IL1RAPL2: variants seen among roughly 807,000 people sequenced by gnomAD.
The protein encoded by IL1RAPL2 is interleukin 1 receptor accessory protein like 2.
Under a neutral mutation model 44.1 loss-of-function variants are expected in IL1RAPL2, and 3 were observed. That is an observed-to-expected ratio of 0.07 (90% confidence interval 0.03 to 0.18). The LOEUF is 0.18. Ranked by LOEUF, IL1RAPL2 falls within the 10% of genes least tolerant of loss-of-function variation. The probability of loss-of-function intolerance (pLI) is 1.00; values close to 1 mark genes in which losing one functional copy is unlikely to be tolerated. For missense variants in IL1RAPL2, 391 were observed against 496.4 expected (o/e 0.79, Z 2.02); for synonymous variants, 181 against 178.8 (o/e 1.01, Z -0.10).
intron 2 of IL1RAPL2, among the ~76,000 whole-genome samples, chrX:105,067,091 G>A (rs1036405300): frequency 8.0e-5 from 9 of 111,865 alleles, no homozygotes; most frequent in Middle Eastern, 4.2e-3. Context: ...TGCAAGTTCC[G>A]CTGAGTAAGA....
chrX:105,463,615 C>T (rs2036109187), intron 5 of IL1RAPL2, among the ~76,000 whole-genome samples: 1 of 109,547 alleles, frequency 9.1e-6, no homozygotes, highest in Non-Finnish European at 1.9e-5. Context: ...CACGCATACA[C>T]TTGTGCCCAC....
At chrX:105,108,494 A>ATTTTTTTTTTTT (rs71816209) in intron 2 of IL1RAPL2, among the ~76,000 whole-genome samples, 301 of 73,389 alleles carry the variant, frequency 4.1e-3, no homozygotes, top group Non-Finnish European at 5.0e-3. Flanking sequence ...CCATGCCCGG[A>ATTTTTTTTTTTT]TTTTTTTTTT....
At chrX:105,487,069 GTGACAGAGCAAGACTCCA>G (rs907188171) in intron 6 of IL1RAPL2, among the ~76,000 whole-genome samples, 4 of 97,159 alleles carry the variant, frequency 4.1e-5, no homozygotes, top group African/African-American at 1.6e-4. Flanking sequence ...TCCAGCCTGG[GTGACAGAGCAAGACTCCA>G]TCTCAAAAAA....
intron 10 of IL1RAPL2, among the ~76,000 whole-genome samples, chrX:105,763,850 C>T (rs765331436): frequency 9.0e-5 from 10 of 110,508 alleles, no homozygotes; most frequent in Admixed American, 6.8e-4. Context: ...TGAAAACTTC[C>T]ACTTGGTTTT....
At chrX:104,841,625 T>G (rs1464695582) in intron 2 of IL1RAPL2, among the ~76,000 whole-genome samples, 3 of 111,743 alleles carry the variant, frequency 2.7e-5, no homozygotes, top group Admixed American at 9.6e-5. Flanking sequence ...CTGTAAAGGA[T>G]TTTATTTCTC....
At position 105,263,026 on chromosome X, in the gene IL1RAPL2, C is replaced by T. The variant is rs142935802; in HGVS notation, c.544-4362C>T. On this transcript the variant is annotated intron_variant, in intron 4 of 10. Transcript: ENST00000372582. ...TCAGCCTCCCGAGTAGCTGGGTTTA[C>T]AGGCATGCACCACCACGCCCAGGTA... 2.7e-3 allele frequency among the ~76,000 whole-genome samples: 297 copies of T among 110,322 alleles called. 9 individuals carry two copies. The East Asian group carries it at 0.057, about 21-fold the overall frequency.
intron 8 of IL1RAPL2, among the ~76,000 whole-genome samples, chrX:105,740,903 T>C (rs2038494473): frequency 8.9e-6 from 1 of 111,929 alleles, no homozygotes; most frequent in Non-Finnish European, 1.9e-5. Context: ...AAATGAAGTA[T>C]TGTCATATGT....
intron 2 of IL1RAPL2, among the ~76,000 whole-genome samples, chrX:104,992,067 T>C (rs1419977181): frequency 1.8e-5 from 2 of 111,143 alleles, no homozygotes; most frequent in Non-Finnish European, 3.8e-5. Context: ...GAAAGAGCCA[T>C]ACATAGGCCA....
chrX:104,887,152 A>C (rs973666008), intron 2 of IL1RAPL2, among the ~76,000 whole-genome samples: 1 of 112,296 alleles, frequency 8.9e-6, no homozygotes, highest in Non-Finnish European at 1.9e-5. Flanking sequence ...TTTGCCAACT[A>C]TGGATCCCCA....
intron 6 of IL1RAPL2, among the ~76,000 whole-genome samples, chrX:105,586,907 T>C (rs750775767): frequency 8.0e-5 from 9 of 112,359 alleles, no homozygotes; most frequent in Non-Finnish European, 1.5e-4. Context: ...TTCTGAATTC[T>C]GGTTCCTCAA....
intron 2 of IL1RAPL2, among the ~76,000 whole-genome samples, chrX:104,976,652 C>T (rs2030340491): frequency 1.8e-5 from 2 of 111,059 alleles, no homozygotes; most frequent in Admixed American, 1.9e-4. Flanking sequence ...ATACTGAATG[C>T]TGAAAACCTG....
chrX:104,676,741 C>G (rs1427837130), intron 2 of IL1RAPL2, among the ~76,000 whole-genome samples: 3 of 112,110 alleles, frequency 2.7e-5, no homozygotes, highest in South Asian at 3.8e-4. Flanking sequence ...ATACACCAAT[C>G]AGACGTAGAT....
chrX:104,779,338 C>T (rs1932757835), intron 2 of IL1RAPL2, among the ~76,000 whole-genome samples: 1 of 112,060 alleles, frequency 8.9e-6, no homozygotes, highest in Non-Finnish European at 1.9e-5. Context: ...ACTGAGCAGG[C>T]TGATGTTTGC....
rs1411260019 is a variant in IL1RAPL2, at chrX:105,006,525, T to C, written c.83-188950T>C. ...CAACATCAGCTCCTTGTATGTAACT[T>C]TCTCAGGATATTCATTTAGGCATTA... is the stretch of plus-strand genomic sequence containing the variant. On this transcript the variant is annotated intron_variant, in intron 2 of 10. Transcript: ENST00000372582. Among the ~76,000 whole-genome samples the C allele has an allele frequency of 1.2e-4, 13 of 111,202 alleles. No homozygotes were observed. In the Admixed American group the frequency reaches 1.3e-3, roughly 11 times the overall value.
intron 6 of IL1RAPL2, among the ~76,000 whole-genome samples, chrX:105,538,721 G>A (rs763756535): frequency 2.7e-5 from 3 of 111,346 alleles, no homozygotes; most frequent in East Asian, 2.8e-4. Flanking sequence ...AATACTAGGC[G>A]CCGAAATAGG....
At chrX:104,802,398 C>A (rs779567777) in intron 2 of IL1RAPL2, among the ~76,000 whole-genome samples, 1 of 108,470 alleles carries the variant, frequency 9.2e-6, no homozygotes, top group East Asian at 2.9e-4. Context: ...AAAATCAGTC[C>A]ACTTTCAAAG....
intron 2 of IL1RAPL2, among the ~76,000 whole-genome samples, chrX:104,925,217 C>CA (rs372080675): frequency 0.02 from 1,322 of 66,073 alleles, 11 homozygotes; most frequent in South Asian, 0.035. Flanking sequence ...TGTCTCCCAC[C>CA]AAAAAAAAAA....
chrX:105,461,386 T>C (rs1249596068), intron 5 of IL1RAPL2, among the ~76,000 whole-genome samples: 3 of 111,415 alleles, frequency 2.7e-5, no homozygotes, highest in African/African-American at 9.8e-5. Flanking sequence ...CATGAACACT[T>C]TTCCTTTAAG....
intron 2 of IL1RAPL2, among the ~76,000 whole-genome samples, chrX:104,760,697 T>G (rs1035199848): frequency 6.3e-5 from 7 of 111,833 alleles, no homozygotes; most frequent in Non-Finnish European, 1.1e-4. Context: ...GCTTGTCAGA[T>G]GGATAGTTTG....
Sources: allele counts gnomAD v4.1 joint callset (sites outside exome capture counted in the v4.1 genomes callset), GRCh38; gene constraint gnomAD v4.1.1; transcripts MANE v1.5; gene names NCBI Gene and HGNC (gene_info 2026-07-23, HGNC 2026-07-21).